MTRF1: variants seen among roughly 807,000 people sequenced by gnomAD.
MTRF1 encodes peptide chain release factor 1, mitochondrial.
A neutral mutation model predicts 62.9 loss-of-function variants in MTRF1; 51 were observed. The observed-to-expected ratio is 0.81, with a 90% CI of 0.65 to 1.02. MTRF1 has a LOEUF of 1.02. Among genes scored for constraint, MTRF1 ranks in the 50% least tolerant of loss-of-function variants. MTRF1 has a pLI of 0.00. For missense variants in MTRF1, 446 were observed against 530.0 expected, an observed-to-expected ratio of 0.84 and a Z score of 1.56; for synonymous variants, 158 against 181.9, an observed-to-expected ratio of 0.87 and a Z score of 1.06.
the MTRF1 span, among the ~76,000 whole-genome samples, chr13:41,274,673 TATAATA>T: frequency 2.0e-5 from 3 of 149,136 alleles, no homozygotes; most frequent in Non-Finnish European, 1.5e-5. Context: ...ATAATAAATA[TATAATA>T]ATAATAATAA....
the MTRF1 span, among the ~76,000 whole-genome samples, chr13:41,274,921 T>C: frequency 6.6e-6 from 1 of 151,996 alleles, no homozygotes; most frequent in African/African-American, 2.4e-5. Flanking sequence ...CCTATTATTA[T>C]TTTCATATCA....
intron 5 of MTRF1, among the ~76,000 whole-genome samples, chr13:41,251,047 GTTAC>G (rs1371224144): frequency 6.6e-6 from 1 of 152,096 alleles, no homozygotes; most frequent in Non-Finnish European, 1.5e-5. Context: ...TCTTGGATTA[GTTAC>G]TTACTCTCTG....
At chr13:41,267,172 A>G (rs895999524), upstream of MTRF1, among the ~76,000 whole-genome samples, 1 of 150,120 alleles carries the variant, frequency 6.7e-6, no homozygotes, top group African/African-American at 2.5e-5. Flanking sequence ...TTTTCCTTGC[A>G]ATGTATTTGT....
At chr13:41,233,438 G>A (rs1234617142) in intron 7 of MTRF1, among the ~76,000 whole-genome samples, 1 of 152,072 alleles carries the variant, frequency 6.6e-6, no homozygotes, top group Non-Finnish European at 1.5e-5. Context: ...TTGAAAAACG[G>A]TAGGAATATT....
chr13:41,245,014 T>C (rs1740214315), intron 5 of MTRF1, among the ~76,000 whole-genome samples: 1 of 151,976 alleles, frequency 6.6e-6, no homozygotes, highest in Non-Finnish European at 1.5e-5. Context: ...CTATCAACAA[T>C]ATTTGTCATT....
chr13:41,258,537 C>T (rs2040006865), intron 2 of MTRF1, among the ~76,000 whole-genome samples: 1 of 147,434 alleles, frequency 6.8e-6, no homozygotes, highest in Admixed American at 6.8e-5. Flanking sequence ...GTTTGAGCCC[C>T]GGAGTTTGAG....
the MTRF1 span, chr13:41,311,284 C>T: frequency 1.8e-6 from 1 of 548,618 alleles, no homozygotes; most frequent in Non-Finnish European, 3.2e-6. Flanking sequence ...GCGGGAACCG[C>T]CGCCGCCGCC....
rs191988516 is a variant in MTRF1 at position 41,237,740 on chromosome 13, C to T, written c.870+2521G>A. On this transcript the variant is annotated intron_variant, in intron 6 of 9. Transcript: ENST00000379480. ...TCTTGAACTCCTGACCTCAAATGATCCCGTCTGCTTTGGCCTCCCAAAGTG... is the reference window on the plus strand; with the variant it reads ...TCTTGAACTCCTGACCTCAAATGATTCCGTCTGCTTTGGCCTCCCAAAGTG... Among the ~76,000 whole-genome samples the T allele has an allele frequency of 7.2e-4, 109 of 152,224 alleles. 1 individual carries two copies. Among genetic ancestry groups the T allele is most frequent in the Admixed American group, 2.0e-3 (30 of 15,284 alleles).
At chr13:41,295,264 T>C in the MTRF1 span, among the ~76,000 whole-genome samples, 3 of 152,234 alleles carry the variant, frequency 2.0e-5, no homozygotes, top group African/African-American at 7.2e-5. Flanking sequence ...TCAGTATAAC[T>C]TGATTCTGTA....
At chr13:41,299,219 GAGAA>G in the MTRF1 span, among the ~76,000 whole-genome samples, 1 of 151,852 alleles carries the variant, frequency 6.6e-6, no homozygotes, top group Admixed American at 6.6e-5. Flanking sequence ...GAGAGAGAGA[GAGAA>G]AGAGGAGCTG....
the MTRF1 span, among the ~76,000 whole-genome samples, chr13:41,272,254 T>C: frequency 6.6e-6 from 1 of 152,318 alleles, no homozygotes; most frequent in East Asian, 1.9e-4. Flanking sequence ...TTACAGGGAT[T>C]CAAGTCATTA....
chr13:41,273,411 G>T, the MTRF1 span, among the ~76,000 whole-genome samples: 2 of 152,266 alleles, frequency 1.3e-5, no homozygotes, highest in East Asian at 3.9e-4. Context: ...TCTGAGACAG[G>T]TCTCGGTTAA....
chr13:41,287,985 A>G, the MTRF1 span: 1 of 382,530 alleles, frequency 2.6e-6, no homozygotes, highest in South Asian at 2.3e-5. Flanking sequence ...ACTTCCCACA[A>G]GAATGATGGG....
chr13:41,311,629 C>T, the MTRF1 span: 33 of 1,567,062 alleles, frequency 2.1e-5, no homozygotes, highest in Non-Finnish European at 2.6e-5. Flanking sequence ...CCCGGGTCCT[C>T]GGGCCTTAAG....
At chr13:41,236,554 A>G (rs1165332231) in intron 6 of MTRF1, 1 of 152,194 alleles carries the variant, frequency 6.6e-6, no homozygotes, top group Non-Finnish European at 1.5e-5. Context: ...AATCTAATAC[A>G]CTGTTTAGCT....
In MTRF1 at chr13:41,249,619, CTTTTTTTTTT is replaced by C. The variant is rs1166204914; in HGVS notation, c.697+3016_697+3025del. Among the ~76,000 whole-genome samples the C allele has an allele frequency of 9.3e-3, 572 of 61,586 alleles. 8 individuals are homozygous for C. The highest frequency in any genetic ancestry group is 0.017 in the Middle Eastern group (1 of 60). The allele number at this position is 61,586 out of a possible 152,430, so 40.4% of individuals were successfully genotyped here. A position where few individuals can be genotyped will look rare whatever the true frequency, so the allele number is the denominator to read the frequency against. On this transcript the variant is annotated intron_variant, in intron 5 of 9. Transcript: ENST00000379480. ...TATTCTTAGTCTTTGATTTTTTTTT[CTTTTTTTTTT>C]TTTTTTTTTTTTTTTGGAGATGGGA...
the MTRF1 span, among the ~76,000 whole-genome samples, chr13:41,285,257 A>T: frequency 3.3e-5 from 5 of 152,190 alleles, no homozygotes; most frequent in Non-Finnish European, 7.3e-5. Context: ...AAACTCTCCT[A>T]TAAAAGCCTT....
the MTRF1 span, among the ~76,000 whole-genome samples, chr13:41,303,647 G>A: frequency 6.6e-6 from 1 of 152,156 alleles, no homozygotes; most frequent in Non-Finnish European, 1.5e-5. Flanking sequence ...TCTTGAGTGA[G>A]GGCTAAGAAA....
chr13:41,297,306 C>T, the MTRF1 span, among the ~76,000 whole-genome samples: 1 of 152,238 alleles, frequency 6.6e-6, no homozygotes, highest in Non-Finnish European at 1.5e-5. Context: ...AATCAGCCCA[C>T]TCTGATTAGC....
Sources: allele counts gnomAD v4.1 joint callset (sites outside exome capture counted in the v4.1 genomes callset), GRCh38; gene constraint gnomAD v4.1.1; transcripts MANE v1.5; gene names NCBI Gene and HGNC (gene_info 2026-07-23, HGNC 2026-07-21).